The following QTMAN variants were observed in gnomAD, a reference collection of about 807,000 sequenced individuals.
QTMAN encodes the protein queuosine-tRNA mannosyltransferase.
chr2:144,278,990 T>C, the QTMAN span, among the ~76,000 whole-genome samples: 4 of 152,130 alleles, frequency 2.6e-5, no homozygotes, highest in South Asian at 2.1e-4. Flanking sequence ...CATTTTACAA[T>C]AGAAGAAAAT....
chr2:144,003,326 T>C, the QTMAN span, among the ~76,000 whole-genome samples: 1 of 151,804 alleles, frequency 6.6e-6, no homozygotes, highest in Non-Finnish European at 1.5e-5. Flanking sequence ...GTGTCTTTTA[T>C]GCCCTTTATA....
At chr2:144,032,416 G>A in the QTMAN span, among the ~76,000 whole-genome samples, 7 of 152,198 alleles carry the variant, frequency 4.6e-5, no homozygotes, top group Non-Finnish European at 4.4e-5. Flanking sequence ...TAGTGCTATT[G>A]TTAAGAATAA....
the QTMAN span, among the ~76,000 whole-genome samples, chr2:144,190,181 G>C: frequency 6.6e-6 from 1 of 152,128 alleles, no homozygotes; most frequent in Non-Finnish European, 1.5e-5. Context: ...ACTAGGCAGA[G>C]TTCTGATAAA....
the QTMAN span, among the ~76,000 whole-genome samples, chr2:144,227,347 T>C: frequency 6.6e-6 from 1 of 152,262 alleles, no homozygotes; most frequent in East Asian, 1.9e-4. Flanking sequence ...CCAACAAACA[T>C]TGGTACTAAA....
chr2:144,272,205 A>C, the QTMAN span, among the ~76,000 whole-genome samples: 4 of 152,212 alleles, frequency 2.6e-5, no homozygotes, highest in Non-Finnish European at 5.9e-5. Flanking sequence ...GGGGAAAAAA[A>C]CAAATTTCTT....
the QTMAN span, among the ~76,000 whole-genome samples, chr2:144,060,047 T>G: frequency 1.3e-5 from 2 of 152,150 alleles, no homozygotes; most frequent in Non-Finnish European, 2.9e-5. Flanking sequence ...TCTGTGCTTG[T>G]CTTTGTTTTT....
chr2:144,253,815 G>GT, the QTMAN span, among the ~76,000 whole-genome samples: 3 of 151,792 alleles, frequency 2.0e-5, no homozygotes, highest in East Asian at 1.9e-4. Context: ...AGAAATTTTC[G>GT]TAAGTAACAA....
chr2:144,173,023 T>C, the QTMAN span, among the ~76,000 whole-genome samples: 1 of 152,194 alleles, frequency 6.6e-6, no homozygotes, highest in South Asian at 2.1e-4. Context: ...ATATTTTTGC[T>C]AGACACAGAA....
chr2:144,005,953 A>G, the QTMAN span: 2 of 152,112 alleles, frequency 1.3e-5, no homozygotes, highest in Non-Finnish European at 2.9e-5. Flanking sequence ...TTCAGAGACA[A>G]CCAAAGGTTA....
At chr2:144,301,374 C>A in the QTMAN span, among the ~76,000 whole-genome samples, 1 of 152,118 alleles carries the variant, frequency 6.6e-6, no homozygotes, top group Non-Finnish European at 1.5e-5. Flanking sequence ...AGATGCGCAC[C>A]ACCACGCCCA....
the QTMAN span, among the ~76,000 whole-genome samples, chr2:144,163,592 C>T: frequency 1.3e-5 from 2 of 152,118 alleles, no homozygotes; most frequent in Non-Finnish European, 2.9e-5. Context: ...ATTGCCTTTT[C>T]ACAGTAGTAG....
the QTMAN span, among the ~76,000 whole-genome samples, chr2:144,110,497 A>C: frequency 3.3e-5 from 5 of 152,200 alleles, no homozygotes; most frequent in African/African-American, 9.6e-5. Context: ...ATATGTAACA[A>C]ACCTGCACGT....
chr2:144,240,182 A>T, the QTMAN span, among the ~76,000 whole-genome samples: 1 of 152,242 alleles, frequency 6.6e-6, no homozygotes, highest in African/African-American at 2.4e-5. Context: ...AGTTTTAATA[A>T]GACTCAGCAG....
At chr2:144,185,559 C>T in the QTMAN span, among the ~76,000 whole-genome samples, 1 of 152,150 alleles carries the variant, frequency 6.6e-6, no homozygotes, top group Non-Finnish European at 1.5e-5. Flanking sequence ...TAAATATAGG[C>T]AAAGATTACC....
At chr2:144,125,314 C>T in the QTMAN span, among the ~76,000 whole-genome samples, 1 of 151,950 alleles carries the variant, frequency 6.6e-6, no homozygotes, top group Non-Finnish European at 1.5e-5. Context: ...AGCACCCTTA[C>T]ATTTTAGTTA....
the QTMAN span, among the ~76,000 whole-genome samples, chr2:143,993,613 T>C: frequency 8.5e-5 from 13 of 152,208 alleles, no homozygotes; most frequent in South Asian, 1.0e-3. Flanking sequence ...TGCAGATTGA[T>C]TGGTGGCAGC....
the QTMAN span, among the ~76,000 whole-genome samples, chr2:144,133,114 GT>G: frequency 0.22 from 3,927 of 17,782 alleles, 464 homozygotes; most frequent in African/African-American, 0.43. Context: ...GGAATGACTG[GT>G]AATATATATA....
chr2:144,089,231 C>T, the QTMAN span, among the ~76,000 whole-genome samples: 2 of 151,744 alleles, frequency 1.3e-5, no homozygotes, highest in Admixed American at 1.3e-4. Flanking sequence ...CATCAAGCAT[C>T]AGAGGAATGC....
the QTMAN span, among the ~76,000 whole-genome samples, chr2:144,152,516 G>C: frequency 6.6e-6 from 1 of 152,298 alleles, no homozygotes; most frequent in South Asian, 2.1e-4. Context: ...AAGAAAGGAA[G>C]ATACAAGAAG....
Sources: gnomAD v4.1 joint callset for allele counts (sites outside exome capture counted in the v4.1 genomes callset) on GRCh38, gnomAD v4.1.1 for gene constraint, MANE v1.5 for transcripts, NCBI Gene and HGNC (gene_info 2026-07-23, HGNC 2026-07-21) for gene names.